The following SUGP1 variants were observed in gnomAD, a reference collection of about 807,000 sequenced individuals.
SUGP1 encodes SURP and G-patch domain containing 1, also known as SURP and G-patch domain-containing protein 1.
SUGP1 carries 34 observed loss-of-function variants against 76.5 expected under a neutral mutation model. The observed-to-expected ratio is 0.44, with a 90% CI of 0.34 to 0.59. SUGP1 has a LOEUF of 0.59. Among genes scored for constraint, SUGP1 ranks in the 20% least tolerant of loss-of-function variants. The pLI, the probability that SUGP1 is intolerant of heterozygous loss-of-function variation, is 0.01. For missense variants in SUGP1, 752 were observed against 851.7 expected, an observed-to-expected ratio of 0.88 and a Z score of 1.46; for synonymous variants, 326 against 326.2, an observed-to-expected ratio of 1.00 and a Z score of 0.01.
chr19:19,303,097 G>A (rs1281661246), intron 6 of SUGP1, among the ~76,000 whole-genome samples: 1 of 152,082 alleles, frequency 6.6e-6, no homozygotes. Flanking sequence ...AAGCGACCTC[G>A]ACCTCCATGA....
chr19:19,303,091 G>T (rs974279571), intron 6 of SUGP1, among the ~76,000 whole-genome samples: 2 of 152,252 alleles, frequency 1.3e-5, no homozygotes, highest in Admixed American at 1.3e-4. Flanking sequence ...TCCCAGAAGC[G>T]ACCTCGACCT....
At chr19:19,298,391 G>C (rs185827693) in intron 7 of SUGP1, among the ~76,000 whole-genome samples, 12 of 152,288 alleles carry the variant, frequency 7.9e-5, no homozygotes, top group Admixed American at 7.2e-4. Context: ...CCAACTGCTC[G>C]GGAGGCTGAG....
Position 19,303,982 on chromosome 19 carries a change from G to T in SUGP1, c.539-135C>A, listed in dbSNP as rs754958738. The T allele has an allele frequency of 2.5e-6, 4 of 1,595,656 alleles. No individual in the cohort carries two copies. The Middle Eastern group carries it at 5.0e-4, about 198-fold the overall frequency. Reference sequence around the variant, plus strand: ...GATGCAGGAGGCTGTCGGGCGTCCCGAGTCCAGGCACAAAACACCATGACG... The same window carrying T: ...GATGCAGGAGGCTGTCGGGCGTCCCTAGTCCAGGCACAAAACACCATGACG... On this transcript the variant is annotated intron_variant, in intron 4 of 13. Transcript: ENST00000247001.
chr19:19,297,943 G>C (rs118186245), intron 7 of SUGP1, among the ~76,000 whole-genome samples: 1 of 152,176 alleles, frequency 6.6e-6, no homozygotes, highest in Non-Finnish European at 1.5e-5. Flanking sequence ...GCCATGTTCC[G>C]CACCTACTGG....
rs3752202 is a variant in SUGP1 at position 19,305,034 on chromosome 19, C to A, written c.538+815G>T. On this transcript the variant is annotated intron_variant, in intron 4 of 13. Transcript: ENST00000247001. ...CCCCTTGTAATGCAGCAGTTCCCAA[C>A]AGGGTACCCTTGGAGCTGCTGGGGC... Among the ~76,000 whole-genome samples, 42 of 152,270 alleles carry A rather than the reference C, an allele frequency of 2.8e-4. No individual in the cohort carries two copies. The East Asian group carries it at 7.7e-3, about 28-fold the overall frequency.
At chr19:19,304,819 T>C (rs3752201) in intron 4 of SUGP1, among the ~76,000 whole-genome samples, 4,290 of 151,518 alleles carry the variant, frequency 0.028, 87 homozygotes, top group East Asian at 0.065. Context: ...AGGTGGGGAG[T>C]GTGTAGCCCA....
intron 4 of SUGP1, 156 bp from the exon 5 acceptor site, chr19:19,304,003 T>C (rs2061294806): frequency 6.3e-7 from 1 of 1,591,496 alleles, no homozygotes; most frequent in Non-Finnish European, 8.5e-7. Context: ...CAAAACACCA[T>C]GACGAGGGGG....
At chr19:19,304,587 G>A (rs990508001) in intron 4 of SUGP1, among the ~76,000 whole-genome samples, 1 of 152,190 alleles carries the variant, frequency 6.6e-6, no homozygotes, top group African/African-American at 2.4e-5. Context: ...TTTATATACG[G>A]ATTAGCCTCC....
rs1194356616 is a variant in SUGP1, at chr19:19,306,044, T to C, written c.343A>G (p.Ser115Gly). Residue 115 changes from serine (S) to glycine (G), a missense_variant, in exon 4 of 14, where the codon AGC (serine) becomes GGC (glycine). Transcript: ENST00000247001. ...APTSAPSAPP[S>G]TPTPSAGKRS... is the part of the protein sequence containing the mutation. ...TTCCCAGCGCTGGGGGTGGGTGTGC[T>C]GGGAGGGGCGCTGGGCGCACTGGTC... 1 of 1,608,928 alleles carries C rather than the reference T, an allele frequency of 6.2e-7. No homozygotes were observed. The highest frequency in any genetic ancestry group is 8.5e-7 in the Non-Finnish European group (1 of 1,177,860).
Position 19,280,260 on chromosome 19 carries a change from C to G in SUGP1, c.1275G>C (p.Lys425Asn). The G allele has an allele frequency of 6.2e-7, 1 of 1,614,024 alleles. No homozygotes were observed. Among genetic ancestry groups the G allele is most frequent in the Non-Finnish European group, 8.5e-7 (1 of 1,179,992 alleles). The stretch of plus-strand genomic sequence containing the variant: ...CGCCCACTAGACCCACAGGCTTCCC[C>G]TTCTCATAGCCGAGCCCCTTGAGGT... ...VQDLKGLGYEKGKPVGLVGVT... is the reference protein window; with the variant it reads ...VQDLKGLGYENGKPVGLVGVT... Residue 425 changes from lysine to asparagine, a missense_variant, in exon 9 of 14, where the codon AAG (lysine) becomes AAC (asparagine). Lys to Asn is a moderately conservative substitution (Grantham distance 94, BLOSUM62 0). This residue lies in a region of SUGP1 where 620 missense variants were observed against 617.3 expected (regional missense o/e 1.00). Coordinates refer to ENST00000247001, the MANE Select transcript of SUGP1 (RefSeq NM_172231.4).
intron 7 of SUGP1, among the ~76,000 whole-genome samples, chr19:19,298,158 G>A (rs879685441): frequency 1.2e-4 from 18 of 152,302 alleles, no homozygotes; most frequent in Admixed American, 3.9e-4. Flanking sequence ...GCACCAAGGC[G>A]TGCAACTAAT....
intron 1 of SUGP1, among the ~76,000 whole-genome samples, chr19:19,317,662 C>T (rs1008525670): frequency 2.0e-5 from 3 of 152,100 alleles, no homozygotes; most frequent in Non-Finnish European, 2.9e-5. Context: ...GGATTACAGG[C>T]ATGCACCACC....
At position 19,284,012 on chromosome 19, in the gene SUGP1, C is replaced by T. The variant is rs547676478; in HGVS notation, c.1244-3721G>A. On this transcript the variant is annotated intron_variant, in intron 8 of 13. Coordinates refer to ENST00000247001, the MANE Select transcript of SUGP1 (RefSeq NM_172231.4). ...TATCTGCTTAAAACACCACATGACA[C>T]TGATCATCTCTGCACAAGCTGTTTG... 3.3e-5 allele frequency among the ~76,000 whole-genome samples: 5 copies of T among 152,366 alleles called. No individual in the cohort carries two copies. In the East Asian group the frequency reaches 7.7e-4, roughly 23 times the overall value.
chr19:19,293,200 G>C (rs1465340757), intron 8 of SUGP1, among the ~76,000 whole-genome samples: 1 of 151,344 alleles, frequency 6.6e-6, no homozygotes, highest in East Asian at 2.0e-4. Flanking sequence ...GTGAGTCACC[G>C]TGCCTGGCCT....
Position 19,304,061 on chromosome 19 carries a change from G to C in SUGP1, c.539-214C>G. On this transcript the variant is annotated intron_variant, in intron 4 of 13. Transcript: ENST00000247001. ...GAGACACACTAGGTGGGAGAGAAGTGTGTGAGGCTGTGGTGAGCTCCAGGC... is the reference window on the plus strand; with the variant it reads ...GAGACACACTAGGTGGGAGAGAAGTCTGTGAGGCTGTGGTGAGCTCCAGGC... 3 of 1,540,110 alleles carry C rather than the reference G, an allele frequency of 1.9e-6. No individual in the cohort carries two copies. The South Asian group carries it at 3.6e-5, about 18-fold the overall frequency.
intron 1 of SUGP1, among the ~76,000 whole-genome samples, chr19:19,319,081 G>A (rs1029090592): frequency 6.6e-6 from 1 of 152,114 alleles, no homozygotes; most frequent in African/African-American, 2.4e-5. Context: ...CACTGGCCAG[G>A]TGCGGTGGCC....
chr19:19,276,797 G>A (rs945607504), intron 13 of SUGP1, 123 bp from the exon 14 acceptor site: 29 of 1,549,056 alleles, frequency 1.9e-5, no homozygotes, highest in Non-Finnish European at 2.5e-5. Context: ...CAGGCTTGGG[G>A]GACGGGTGGG....
intron 7 of SUGP1, among the ~76,000 whole-genome samples, chr19:19,299,233 G>C (rs563465396): frequency 1.3e-5 from 2 of 152,230 alleles, no homozygotes; most frequent in African/African-American, 4.8e-5. Flanking sequence ...TTCACTGACT[G>C]GCCTTGCTTC....
intron 8 of SUGP1, among the ~76,000 whole-genome samples, chr19:19,288,654 C>A (rs542402010): frequency 6.6e-6 from 1 of 151,860 alleles, no homozygotes; most frequent in Non-Finnish European, 1.5e-5. Context: ...TACTTGGGAG[C>A]CTAAGGTGGA....
Sources: gnomAD v4.1 joint callset for allele counts (sites outside exome capture counted in the v4.1 genomes callset) on GRCh38, gnomAD v4.1.1 for gene constraint, gnomAD v4.1.1 regional missense constraint, MANE v1.5 for transcripts, NCBI Gene and HGNC (gene_info 2026-07-23, HGNC 2026-07-21) for gene names.